Variants in HEATR1 observed in about 807,000 individuals in gnomAD.
HEATR1 encodes the protein HEAT repeat containing 1, also known as HEAT repeat-containing protein 1.
In HEATR1, 77 loss-of-function variants were observed where a neutral mutation model predicts 248.2. The ratio of observed to expected loss-of-function variants is 0.31; its 90% confidence interval spans 0.26 to 0.37. The LOEUF is 0.37. Ranked by LOEUF, HEATR1 falls within the 10% of genes least tolerant of loss-of-function variation. The pLI is 1.00. For synonymous variants in HEATR1, 897 were observed against 923.1 expected (o/e 0.97, Z 0.51); for missense variants, 2,420 against 2,504.9 (o/e 0.97, Z 0.72).
intron 20 of HEATR1, among the ~76,000 whole-genome samples, chr1:236,577,671 A>C (rs1408860881): frequency 6.6e-6 from 1 of 151,694 alleles, no homozygotes; most frequent in Non-Finnish European, 1.5e-5. Context: ...TATTTTTAGT[A>C]GAGACGGGGT....
chr1:236,551,358 A>G, intron 44 of HEATR1: 1 of 194,468 alleles, frequency 5.1e-6, no homozygotes, highest in East Asian at 1.4e-4. Context: ...TACTTGCTCC[A>G]CCACCCCTCC....
chr1:236,581,240 C>T lies in HEATR1; in HGVS notation c.2737G>A (p.Ala913Thr), dbSNP rs1330151312. ...TTAATACCTGGAGAAGATATGGATGCCAGTTGGTGTTTACACTGTGTCTTC... is the reference window on the plus strand; with the variant it reads ...TTAATACCTGGAGAAGATATGGATGTCAGTTGGTGTTTACACTGTGTCTTC... ...SQKTQCKHQL[A>T]SISSPVVTSL... Residue 913 changes from alanine (A) to threonine (T), a missense_variant, in exon 20 of 45, where the codon GCA (alanine) becomes ACA (threonine). Coordinates refer to ENST00000366582, the MANE Select transcript of HEATR1 (RefSeq NM_018072.6). 6.2e-7 allele frequency: 1 copy of T among 1,613,034 alleles called. No individual in the cohort carries two copies. The highest frequency in any genetic ancestry group is 8.5e-7 in the Non-Finnish European group (1 of 1,179,450).
chr1:236,565,560 G>A (rs1663247118), intron 31 of HEATR1, among the ~76,000 whole-genome samples: 1 of 152,032 alleles, frequency 6.6e-6, no homozygotes, highest in Admixed American at 6.6e-5. Context: ...CACTCCTGTG[G>A]TACCTACTTT....
chr1:236,578,866 A>G (rs16833958), intron 20 of HEATR1, among the ~76,000 whole-genome samples: 10,282 of 152,242 alleles, frequency 0.068, 512 homozygotes, highest in East Asian at 0.14. Flanking sequence ...TCTAGTAGGA[A>G]TGCATCTGTG....
chr1:236,565,577 T>C (rs1663247859), intron 31 of HEATR1, among the ~76,000 whole-genome samples: 1 of 152,176 alleles, frequency 6.6e-6, no homozygotes, highest in Non-Finnish European at 1.5e-5. Flanking sequence ...CTTTTTTTCT[T>C]TTCATGTAAA....
intron 14 of HEATR1, among the ~76,000 whole-genome samples, chr1:236,586,771 T>G (rs904924191): frequency 1.3e-5 from 2 of 151,318 alleles, no homozygotes; most frequent in Non-Finnish European, 2.9e-5. Context: ...GAGAAATCAC[T>G]AGAGGTTAAC....
chr1:236,549,792 G>A lies in HEATR1; in HGVS notation c.*1110C>T, dbSNP rs1168754164. 1.3e-5 allele frequency: 2 copies of A among 152,156 alleles called. No homozygotes were observed. Among genetic ancestry groups the A allele is most frequent in the African/African-American group, 4.8e-5 (2 of 41,438 alleles). 9.4% of individuals were successfully genotyped at this position (152,156 alleles called of 1,614,324 possible). ...AGCCCACTCACATCATTCCTTGTAA[G>A]TCTTAAGTTCATTTTCATTTTACGT... On this transcript the variant is annotated 3_prime_UTR_variant, in exon 45 of 45. Coordinates refer to ENST00000366582, the MANE Select transcript of HEATR1 (RefSeq NM_018072.6).
At chr1:236,564,006 T>C (rs573566572) in intron 32 of HEATR1, among the ~76,000 whole-genome samples, 38 of 152,236 alleles carry the variant, frequency 2.5e-4, no homozygotes, top group African/African-American at 8.7e-4. Flanking sequence ...TAGTCCCAGC[T>C]ACTTGGGAGG....
At chr1:236,602,136 CAA>C (rs201076198) in intron 3 of HEATR1, among the ~76,000 whole-genome samples, 2 of 142,158 alleles carry the variant, frequency 1.4e-5, no homozygotes, top group African/African-American at 2.6e-5. Flanking sequence ...GAGACTGTCT[CAA>C]AAAAAAAAGA....
chr1:236,571,533 A>T (rs1663426498), intron 27 of HEATR1, 35 bp downstream of exon 27: 1 of 1,613,282 alleles, frequency 6.2e-7, no homozygotes, highest in African/African-American at 1.3e-5. Flanking sequence ...CAAAGTAGAT[A>T]ATTTTTCTAA....
chr1:236,602,883 T>C (rs1196289534), intron 3 of HEATR1: 3 of 294,836 alleles, frequency 1.0e-5, no homozygotes, highest in East Asian at 6.5e-5. Flanking sequence ...AAGATTTCAA[T>C]ATTGCACTCC....
rs562594310 is a variant in HEATR1 at position 236,575,043 on chromosome 1, T to C, written c.3085-140A>G. ...CCCAATGATGGTAACTTCTTAGACATGGAGACAGCTATTAATTCACACTAA... is the reference window on the plus strand; with the variant it reads ...CCCAATGATGGTAACTTCTTAGACACGGAGACAGCTATTAATTCACACTAA... On this transcript the variant is annotated intron_variant, in intron 22 of 44. Transcript: ENST00000366582. 3.5e-5 allele frequency: 25 copies of C among 720,570 alleles called. No homozygotes were observed. In the South Asian group the frequency reaches 4.4e-4, roughly 13 times the overall value. The allele number at this position is 720,570 out of a possible 1,614,324, so 44.6% of individuals were successfully genotyped here.
At chr1:236,601,691 G>C (rs1449426161) in intron 3 of HEATR1, among the ~76,000 whole-genome samples, 3 of 151,326 alleles carry the variant, frequency 2.0e-5, no homozygotes, top group African/African-American at 4.8e-5. Flanking sequence ...AAAAAAACTA[G>C]GTGGGCATGG....
intron 34 of HEATR1, 42 bp from the exon 35 acceptor site, chr1:236,559,177 T>TG: frequency 6.7e-7 from 1 of 1,497,936 alleles, no homozygotes; most frequent in Non-Finnish European, 8.9e-7. Flanking sequence ...GAAAAACAAA[T>TG]TAAAAAAAAA....
chr1:236,596,921 T>A lies in HEATR1; in HGVS notation c.659A>T (p.Tyr220Phe), dbSNP rs2103155195. ...CAGCGCCGACACTATGGTAGAAGCA[T>A]AGAAAGCCAAGAGCACCCTCAACTG... is the stretch of plus-strand genomic sequence containing the variant. The part of the protein sequence containing the change: ...SAQLRVLLAF[Y>F]ASTIVSALVA... Residue 220 changes from tyrosine to phenylalanine, a missense_variant, in exon 6 of 45, where the codon TAT becomes TTT. Coordinates refer to ENST00000366582, the MANE Select transcript of HEATR1 (RefSeq NM_018072.6). The A allele has an allele frequency of 6.2e-7, 1 of 1,614,026 alleles. No homozygotes were observed. The highest frequency in any genetic ancestry group is 2.2e-5 in the East Asian group (1 of 44,878).
Position 236,554,734 on chromosome 1 carries a change from G to C in HEATR1, c.5942C>G (p.Ser1981Cys), listed in dbSNP as rs781156435. The C allele has an allele frequency of 2.5e-6, 4 of 1,609,032 alleles. No homozygotes were observed. Among genetic ancestry groups the C allele is most frequent in the East Asian group, 2.2e-5 (1 of 44,786 alleles). The change falls in exon 42 of 45, where the codon TCT becomes TGT. Residue 1981 changes from serine to cysteine, a missense_variant. Physicochemically the swap from Ser to Cys is moderately radical, Grantham distance 112. Transcript: ENST00000366582. ...ISKTDEAFFDSENDPEKCCLL... is the reference protein window; with the variant it reads ...ISKTDEAFFDCENDPEKCCLL... Reference sequence around the variant, plus strand: ...GCAGCACTTTTCAGGGTCATTTTCAGAGTCAAAAAATGCTTCATCTGTAGA... The same window carrying C: ...GCAGCACTTTTCAGGGTCATTTTCACAGTCAAAAAATGCTTCATCTGTAGA...
At chr1:236,583,822 T>C (rs998363040) in intron 17 of HEATR1, among the ~76,000 whole-genome samples, 1 of 152,104 alleles carries the variant, frequency 6.6e-6, no homozygotes, top group East Asian at 1.9e-4. Context: ...AGATAAACAG[T>C]TGGATTGCCA....
chr1:236,556,251 T>C lies in HEATR1; in HGVS notation c.5363A>G (p.His1788Arg), dbSNP rs1270494265. 2 of 1,614,136 alleles carry C rather than the reference T, an allele frequency of 1.2e-6. No homozygotes were observed. Among genetic ancestry groups the C allele is most frequent in the Non-Finnish European group, 8.5e-7 (1 of 1,179,992 alleles). ...YLEGILSQVIHLEKITSEMGS... is the reference protein window; with the variant it reads ...YLEGILSQVIRLEKITSEMGS... Reference sequence around the variant, plus strand: ...CATTTCACTAGTGATTTTCTCCAGATGAATCACCTACAGGAATATAAAAAA... The same window carrying C: ...CATTTCACTAGTGATTTTCTCCAGACGAATCACCTACAGGAATATAAAAAA... The change falls in exon 38 of 45, where the codon CAT becomes CGT. Residue 1788 changes from histidine (H) to arginine (R), a missense_variant. By Grantham distance (29) the His-to-Arg change is conservative. Transcript: ENST00000366582.
At chr1:236,562,378 T>C (rs1228895351) in intron 32 of HEATR1, among the ~76,000 whole-genome samples, 1 of 152,220 alleles carries the variant, frequency 6.6e-6, no homozygotes, top group African/African-American at 2.4e-5. Context: ...ATTTGAACTG[T>C]TGTTTTTTAC....
Sources: allele counts gnomAD v4.1 joint callset (sites outside exome capture counted in the v4.1 genomes callset), GRCh38; gene constraint gnomAD v4.1.1; transcripts MANE v1.5; gene names NCBI Gene and HGNC (gene_info 2026-07-23, HGNC 2026-07-21).